The following CAMK2B variants were observed in gnomAD, a reference collection of about 807,000 sequenced individuals.
CAMK2B encodes the protein calcium/calmodulin-dependent protein kinase type II subunit beta.
Under a neutral mutation model 93.7 loss-of-function variants are expected in CAMK2B, and 27 were observed. That is an observed-to-expected ratio of 0.29 (90% CI 0.21 to 0.40). CAMK2B has a LOEUF of 0.40. Ranked by LOEUF, CAMK2B falls within the 10% of genes least tolerant of loss-of-function variation. The pLI, the probability that CAMK2B is intolerant of heterozygous loss-of-function variation, is 1.00. For synonymous variants in CAMK2B, 374 were observed against 358.8 expected (o/e 1.04, Z -0.48); for missense variants, 568 against 895.8 (o/e 0.63, Z 4.67).
At position 44,262,641 on chromosome 7, in the gene CAMK2B, C is replaced by T. The variant is rs116199940; in HGVS notation, c.220+364G>A. Among the ~76,000 whole-genome samples the T allele has an allele frequency of 4.4e-3, 673 of 152,300 alleles. 6 individuals carry two copies. The highest frequency in any genetic ancestry group is 0.016 in the African/African-American group (650 of 41,560). ...GGGGGTCACATGCTGGGCACTGGCT[C>T]AGCAGAGGGCTCTGTGAGGAATGTG... On this transcript the variant is annotated intron_variant, in intron 3 of 23. Coordinates refer to ENST00000395749, the MANE Select transcript of CAMK2B (RefSeq NM_001220.5).
Position 44,253,676 on chromosome 7 carries a change from C to T in CAMK2B, c.341+866G>A, listed in dbSNP as rs182214708. Among the ~76,000 whole-genome samples, 185 of 152,312 alleles carry T rather than the reference C, an allele frequency of 1.2e-3. 3 individuals are homozygous for T. Among genetic ancestry groups the T allele is most frequent in the African/African-American group, 4.3e-3 (180 of 41,564 alleles). ...GCAGTGGCACAATCTCGGCTCACTG[C>T]AACTTTGAACTCCTGGGCTCAAACC... On this transcript the variant is annotated intron_variant, in intron 5 of 23. Coordinates refer to ENST00000395749, the MANE Select transcript of CAMK2B (RefSeq NM_001220.5).
intron 13 of CAMK2B, among the ~76,000 whole-genome samples, chr7:44,235,614 C>T (rs1001298549): frequency 7.9e-5 from 12 of 152,212 alleles, no homozygotes; most frequent in African/African-American, 1.9e-4. Flanking sequence ...TGTGTTGGTT[C>T]GGGCAGGGGC....
intron 20 of CAMK2B, among the ~76,000 whole-genome samples, chr7:44,223,321 T>C (rs1001243944): frequency 2.6e-5 from 4 of 152,144 alleles, no homozygotes; most frequent in African/African-American, 9.7e-5. Flanking sequence ...ATCTAGACCA[T>C]GTCATGGATG....
At chr7:44,307,736 C>A (rs1792304046) in intron 1 of CAMK2B, among the ~76,000 whole-genome samples, 1 of 152,138 alleles carries the variant, frequency 6.6e-6, no homozygotes, top group Non-Finnish European at 1.5e-5. Flanking sequence ...TGGAAGGAGC[C>A]TGTGGGAACT....
intron 1 of CAMK2B, among the ~76,000 whole-genome samples, chr7:44,296,561 G>T (rs1788378173): frequency 6.6e-6 from 1 of 151,980 alleles, no homozygotes; most frequent in Admixed American, 6.6e-5. Flanking sequence ...TTGAAGCCAG[G>T]CACCAAACCA....
At chr7:44,265,202 G>A (rs2096912528) in intron 2 of CAMK2B, among the ~76,000 whole-genome samples, 1 of 152,160 alleles carries the variant, frequency 6.6e-6, no homozygotes, top group East Asian at 1.9e-4. Flanking sequence ...TAACACACTC[G>A]CTTCTTCTGA....
rs1222859691 is a variant in CAMK2B, at chr7:44,284,125, C to T, written c.160+6G>A. The stretch of plus-strand genomic sequence containing the variant: ...GCAGCTGCGCAGGACACTCCCCATG[C>T]CCTACCTCTGGCTGACAGCTTCTTG... On this transcript the variant is annotated splice_donor_region_variant and intron_variant, in intron 2 of 23. Transcript: ENST00000395749. 3.7e-6 allele frequency: 6 copies of T among 1,601,680 alleles called. No individual in the cohort carries two copies. In the Admixed American group the frequency reaches 5.0e-5, roughly 13 times the overall value.
chr7:44,300,192 G>A (rs1396593123), intron 1 of CAMK2B, among the ~76,000 whole-genome samples: 2 of 152,022 alleles, frequency 1.3e-5, no homozygotes, highest in African/African-American at 4.8e-5. Context: ...GTGCCACCAT[G>A]GCTGGCTAAT....
intron 6 of CAMK2B, 72 bp from the exon 7 acceptor site, chr7:44,243,599 G>T: frequency 2.4e-6 from 3 of 1,260,714 alleles, no homozygotes; most frequent in Non-Finnish European, 2.3e-6. Context: ...TTGGGTGGGG[G>T]GTTACAAAAC....
At chr7:44,321,980 G>C (rs1321947722) in intron 1 of CAMK2B, among the ~76,000 whole-genome samples, 1 of 152,224 alleles carries the variant, frequency 6.6e-6, no homozygotes, top group Non-Finnish European at 1.5e-5. Context: ...CCCACTGCCA[G>C]GGACACACCC....
intron 1 of CAMK2B, among the ~76,000 whole-genome samples, chr7:44,287,936 C>A (rs1377058946): frequency 6.6e-6 from 1 of 152,268 alleles, no homozygotes; most frequent in Non-Finnish European, 1.5e-5. Context: ...GCCCTATACT[C>A]TGGACCTAGG....
At position 44,275,280 on chromosome 7, in the gene CAMK2B, G is replaced by A. The variant is rs114216393; in HGVS notation, c.160+8851C>T. 7.0e-3 allele frequency among the ~76,000 whole-genome samples: 1,073 copies of A among 152,248 alleles called. 5 individuals are homozygous for A. The highest frequency in any genetic ancestry group is 0.012 in the African/African-American group (493 of 41,530). ...AGGAACCTGGCATTGGACCCTGACC[G>A]GCAGGTTTTGGGACTCGGTGTCTAC... On this transcript the variant is annotated intron_variant, in intron 2 of 23. Transcript: ENST00000395749.
chr7:44,250,268 G>A (rs1306617900), intron 5 of CAMK2B, among the ~76,000 whole-genome samples: 1 of 152,226 alleles, frequency 6.6e-6, no homozygotes, highest in African/African-American at 2.4e-5. Flanking sequence ...CTTGGAGGAT[G>A]TGAGACTCAC....
At position 44,270,074 on chromosome 7, in the gene CAMK2B, A is replaced by AC. The variant is rs111791533; in HGVS notation, c.161-7011dup. 6.7e-3 allele frequency among the ~76,000 whole-genome samples: 930 copies of AC among 139,118 alleles called. 5 individuals carry two copies. The highest frequency in any genetic ancestry group is 0.013 in the African/African-American group (487 of 37,132). The allele number at this position is 139,118 out of a possible 152,430, so 91.3% of individuals were successfully genotyped here. ...ACACAGGGTGGGTGCTCAAGAACGT[A>AC]CCCCCCCCCCATTCCAGGCAGCTCT... On this transcript the variant is annotated intron_variant, in intron 2 of 23. Transcript: ENST00000395749.
chr7:44,255,985 C>T (rs926117914), intron 4 of CAMK2B, among the ~76,000 whole-genome samples: 1 of 147,012 alleles, frequency 6.8e-6, no homozygotes, highest in African/African-American at 2.4e-5. Flanking sequence ...CCTTTCCTTT[C>T]CCCATTTTTC....
intron 1 of CAMK2B, among the ~76,000 whole-genome samples, chr7:44,290,626 A>T (rs565382573): frequency 1.2e-4 from 19 of 152,324 alleles, no homozygotes; most frequent in African/African-American, 4.6e-4. Context: ...AAACTAAACC[A>T]AATTGGTATT....
intron 5 of CAMK2B, among the ~76,000 whole-genome samples, chr7:44,251,301 T>G (rs568521147): frequency 6.6e-6 from 1 of 152,152 alleles, no homozygotes; most frequent in African/African-American, 2.4e-5. Flanking sequence ...AGTCCTGCCC[T>G]GAGTTTGTGG....
Position 44,323,032 on chromosome 7 carries a change from C to T in CAMK2B, c.65+2325G>A, listed in dbSNP as rs992483965. ...ATGGGCTGAGTGCCCACAACTGAGCCCTGGCCTCAGACATCCCCCTTAGGT... is the reference window on the plus strand; with the variant it reads ...ATGGGCTGAGTGCCCACAACTGAGCTCTGGCCTCAGACATCCCCCTTAGGT... On this transcript the variant is annotated intron_variant, in intron 1 of 23. Transcript: ENST00000395749. Among the ~76,000 whole-genome samples the T allele has an allele frequency of 2.7e-4, 41 of 152,206 alleles. 1 individual carries two copies. The highest frequency in any genetic ancestry group is 2.6e-3 in the Admixed American group (40 of 15,286).
chr7:44,266,025 G>C (rs908017468), intron 2 of CAMK2B, among the ~76,000 whole-genome samples: 1 of 151,974 alleles, frequency 6.6e-6, no homozygotes, highest in Non-Finnish European at 1.5e-5. Context: ...GTGATCATGC[G>C]TTACTTCCAT....
Sources: gnomAD v4.1 joint callset for allele counts (sites outside exome capture counted in the v4.1 genomes callset) on GRCh38, gnomAD v4.1.1 for gene constraint, MANE v1.5 for transcripts, NCBI Gene and HGNC (gene_info 2026-07-23, HGNC 2026-07-21) for gene names.